Variants in PAK4 observed in about 807,000 individuals in gnomAD.
PAK4 encodes the protein serine/threonine-protein kinase PAK 4.
In PAK4, 49 loss-of-function variants were observed where a neutral mutation model predicts 53.5. That is an observed-to-expected ratio of 0.92 (90% CI 0.73 to 1.16). PAK4 has a LOEUF of 1.16. Among genes scored for constraint, PAK4 ranks in the 50% most tolerant of loss-of-function variants. PAK4 has a pLI of 0.00. For missense variants in PAK4, 824 were observed against 850.7 expected, an observed-to-expected ratio of 0.97 and a Z score of 0.39; for synonymous variants, 376 against 375.6, an observed-to-expected ratio of 1.00 and a Z score of -0.01.
In PAK4 at chr19:39,162,020, T is replaced by C. The variant is rs560343809; in HGVS notation, c.-22-7512T>C. Among the ~76,000 whole-genome samples, 3 of 152,140 alleles carry C rather than the reference T, an allele frequency of 2.0e-5. No individual in the cohort carries two copies. In the East Asian group the frequency reaches 5.8e-4, roughly 29 times the overall value. ...TGTCGCCCAGGCTGGAGTGCAATGG[T>C]GCGATCTTGGCTCGCTGCAACTTCC... On this transcript the variant is annotated intron_variant, in intron 1 of 8. Coordinates refer to ENST00000358301, the Ensembl canonical transcript of PAK4.
intron 4 of PAK4, 50 bp from the exon 6 acceptor site, chr19:39,174,881 C>T: frequency 6.2e-7 from 1 of 1,609,016 alleles, no homozygotes; most frequent in Non-Finnish European, 8.5e-7. Flanking sequence ...CTGGGTCTGG[C>T]ACTGGCAGCC....
chr19:39,171,819 G>GTGGCCTTTGCACAGACACCTCA (rs2074486309), intron 2 of PAK4, among the ~76,000 whole-genome samples: 1 of 152,238 alleles, frequency 6.6e-6, no homozygotes. Flanking sequence ...TCAGCTCACT[G>GTGGCCTTTGCACAGACACCTCA]TGGCCTTTGC....
At position 39,137,868 on chromosome 19, in the gene PAK4, G is replaced by T. The variant is rs940554248; in HGVS notation, c.-23+11949G>T. ...TTTTTAATAGAGATGAGGCTTTGCCGTGTTAGCCAGGATGGTCTCGATCTC... is the reference window on the plus strand; with the variant it reads ...TTTTTAATAGAGATGAGGCTTTGCCTTGTTAGCCAGGATGGTCTCGATCTC... On this transcript the variant is annotated intron_variant, in intron 1 of 8. Transcript: ENST00000358301. Among the ~76,000 whole-genome samples, 16 of 152,110 alleles carry T rather than the reference G, an allele frequency of 1.1e-4. No individual in the cohort carries two copies. The East Asian group carries it at 3.1e-3, about 29-fold the overall frequency.
chr19:39,132,174 G>GT (rs2073725185), intron 1 of PAK4, among the ~76,000 whole-genome samples: 1 of 152,198 alleles, frequency 6.6e-6, no homozygotes, highest in Non-Finnish European at 1.5e-5. Flanking sequence ...AGGAGGAGGT[G>GT]TTTTTAACCT....
intron 1 of PAK4, among the ~76,000 whole-genome samples, chr19:39,126,883 C>T (rs1200414585): frequency 1.3e-5 from 2 of 152,188 alleles, no homozygotes; most frequent in Non-Finnish European, 2.9e-5. Flanking sequence ...GGCTCAGAAG[C>T]TTCTGCTGAA....
chr19:39,176,590 G>A, exon 7 of PAK4: 1 of 1,613,790 alleles, frequency 6.2e-7, no homozygotes, highest in East Asian at 2.2e-5. Context: ...CCTGTCCCAG[G>A]TGAAGCTGTC....
At position 39,173,744 on chromosome 19, in the gene PAK4, C is replaced by G; in HGVS notation, c.832C>G (p.Pro278Ala). ...CCAGCTGGCCCCTCCAGCCTGCACC[C>G]CCGCCGCCCCTGCTGTTCCTGGGCC... The change falls in exon 4 of 9, where the codon CCC becomes GCC. Residue 278 changes from proline to alanine, a missense_variant. Physicochemically the swap from Pro to Ala is conservative, Grantham distance 27. This residue lies in a region of PAK4 where 478 missense variants were observed against 435.8 expected (regional missense o/e 1.10). Transcript: ENST00000358301. This position sits in a 1 kb window ranked among gnomAD's most constrained non-coding sequence, Gnocchi z 6.9. 2 of 1,577,738 alleles carry G rather than the reference C, an allele frequency of 1.3e-6. No individual in the cohort carries two copies. The highest frequency in any genetic ancestry group is 1.7e-6 in the Non-Finnish European group (2 of 1,164,462).
intron 1 of PAK4, among the ~76,000 whole-genome samples, chr19:39,155,577 C>A (rs1185742111): frequency 6.6e-6 from 1 of 152,144 alleles, no homozygotes. Flanking sequence ...GTTACACCTG[C>A]GAGCTCTGCC....
At chr19:39,176,509 A>G in intron 6 of PAK4, 81 bp from the exon 8 acceptor site, 1 of 1,583,278 alleles carries the variant, frequency 6.3e-7, no homozygotes. Flanking sequence ...TCTGAAGCCA[A>G]GGAATGACGC....
Position 39,173,488 on chromosome 19 carries a change from C to G in PAK4, c.664-88C>G, listed in dbSNP as rs1031618815. ...CATCTCATCCTGACCACCCATGTGT[C>G]TGTCCCATCGCTGGGTCTCTCTCCT... On this transcript the variant is annotated intron_variant, in intron 3 of 8. Transcript: ENST00000358301. The surrounding 1 kb of genome is among the most constrained non-coding windows in gnomAD (Gnocchi z 6.9). The G allele has an allele frequency of 7.4e-7, 1 of 1,350,928 alleles. No homozygotes were observed. The highest frequency in any genetic ancestry group is 1.0e-6 in the Non-Finnish European group (1 of 992,472). The allele number at this position is 1,350,928 out of a possible 1,614,324, so 83.7% of individuals were successfully genotyped here.
intron 2 of PAK4, among the ~76,000 whole-genome samples, chr19:39,172,345 C>G (rs2074497616): frequency 1.3e-5 from 2 of 152,192 alleles, no homozygotes; most frequent in African/African-American, 2.4e-5. Context: ...ACTGGATGCT[C>G]TGCCTGGTCC....
At chr19:39,145,353 G>A (rs1196014627) in intron 1 of PAK4, among the ~76,000 whole-genome samples, 1 of 152,340 alleles carries the variant, frequency 6.6e-6, no homozygotes, top group Admixed American at 6.5e-5. Flanking sequence ...GCGGCACTTG[G>A]CTGCAACTCT....
At chr19:39,126,750 T>C (rs2073591385) in intron 1 of PAK4, among the ~76,000 whole-genome samples, 1 of 152,070 alleles carries the variant, frequency 6.6e-6, no homozygotes, top group African/African-American at 2.4e-5. Context: ...ATAATGTCGG[T>C]TAATGTTTAA....
chr19:39,178,777 T>C lies in PAK4; in HGVS notation c.*198T>C, dbSNP rs1405160755. The C allele has an allele frequency of 5.9e-6, 3 of 508,096 alleles. No individual in the cohort carries two copies. Among genetic ancestry groups the C allele is most frequent in the Non-Finnish European group, 1.0e-5 (3 of 288,462 alleles). The allele number at this position is 508,096 out of a possible 1,614,324, so 31.5% of individuals were successfully genotyped here. On this transcript the variant is annotated 3_prime_UTR_variant, in exon 9 of 9. Coordinates refer to ENST00000358301, the Ensembl canonical transcript of PAK4. The surrounding 1 kb of genome is among the most constrained non-coding windows in gnomAD (Gnocchi z 4.4). ...GTGACTTTTAGAAAAACACAGGGAC[T>C]CGTGGGAGCAAGCGAGGCTCCCAGG...
At position 39,173,490 on chromosome 19, in the gene PAK4, G is replaced by T; in HGVS notation, c.664-86G>T. 4 of 1,354,958 alleles carry T rather than the reference G, an allele frequency of 3.0e-6. No homozygotes were observed. The highest frequency in any genetic ancestry group is 4.0e-6 in the Non-Finnish European group (4 of 996,604). The allele number at this position is 1,354,958 out of a possible 1,614,324, so 83.9% of individuals were successfully genotyped here. A position where few individuals can be genotyped will look rare whatever the true frequency, so the allele number is the denominator to read the frequency against. On this transcript the variant is annotated intron_variant, in intron 3 of 8. Transcript: ENST00000358301. The surrounding 1 kb of genome is among the most constrained non-coding windows in gnomAD (Gnocchi z 6.9). Reference sequence around the variant, plus strand: ...TCTCATCCTGACCACCCATGTGTCTGTCCCATCGCTGGGTCTCTCTCCTGC... The same window carrying T: ...TCTCATCCTGACCACCCATGTGTCTTTCCCATCGCTGGGTCTCTCTCCTGC...
chr19:39,138,851 C>T (rs1312590698), intron 1 of PAK4, among the ~76,000 whole-genome samples: 1 of 152,232 alleles, frequency 6.6e-6, no homozygotes, highest in Non-Finnish European at 1.5e-5. Flanking sequence ...AGCAGCTCAG[C>T]TGGGGTCTCC....
At chr19:39,176,707 G>A (rs771040788) in exon 7 of PAK4, 9 of 1,609,708 alleles carry the variant, frequency 5.6e-6, no homozygotes, top group South Asian at 1.1e-5. Flanking sequence ...CCTTCCCTAC[G>A]GGCCAGAGGT....
At chr19:39,129,065 T>G (rs1003926244) in intron 1 of PAK4, among the ~76,000 whole-genome samples, 1 of 152,190 alleles carries the variant, frequency 6.6e-6, no homozygotes, top group African/African-American at 2.4e-5. Context: ...CAAGTTGCTG[T>G]TTTTGTTCAA....
intron 1 of PAK4, among the ~76,000 whole-genome samples, chr19:39,166,967 C>G (rs138550499): frequency 6.6e-6 from 1 of 152,350 alleles, no homozygotes; most frequent in South Asian, 2.1e-4. Flanking sequence ...GGCAAATATC[C>G]GGAGGCGTGC....
Sources: allele counts gnomAD v4.1 joint callset (sites outside exome capture counted in the v4.1 genomes callset), GRCh38; gene constraint gnomAD v4.1.1; regional missense constraint gnomAD v4.1.1; non-coding constraint Gnocchi (gnomAD v3.1); transcripts MANE v1.5; gene names NCBI Gene and HGNC (gene_info 2026-07-23, HGNC 2026-07-21).